POU2F1: variants seen among roughly 807,000 people sequenced by gnomAD.
The protein encoded by POU2F1 is POU domain, class 2, transcription factor 1.
In POU2F1, 16 loss-of-function variants were observed where a neutral mutation model predicts 84.9. The observed-to-expected ratio is 0.19, with a 90% CI of 0.13 to 0.29. The LOEUF is 0.29. Among genes scored for constraint, POU2F1 ranks in the 10% least tolerant of loss-of-function variants. POU2F1 has a pLI of 1.00. For missense variants in POU2F1, 738 were observed against 942.6 expected (o/e 0.78, Z 2.84); for synonymous variants, 368 against 368.3 (o/e 1.00, Z 0.01).
chr1:167,235,867 C>G (rs2102354053), intron 1 of POU2F1, among the ~76,000 whole-genome samples: 1 of 152,266 alleles, frequency 6.6e-6, no homozygotes, highest in South Asian at 2.1e-4. Flanking sequence ...CTGCTGAGAC[C>G]TAGTGGAGGA....
At chr1:167,261,614 C>T (rs963596462) in intron 1 of POU2F1, among the ~76,000 whole-genome samples, 5 of 152,240 alleles carry the variant, frequency 3.3e-5, no homozygotes, top group African/African-American at 1.2e-4. Flanking sequence ...TCTCTCCACT[C>T]AATTTCCCAT....
rs1209822036 is a variant in POU2F1, at chr1:167,420,833, G to A, written c.*5023G>A. On this transcript the variant is annotated 3_prime_UTR_variant, in exon 16 of 16. Coordinates refer to ENST00000367866, the MANE Select transcript of POU2F1 (RefSeq NM_002697.4). ...AAGACCAGTCTGCAGTTTGAGGAAGGGCCCCAACAATTCATTTGGAGAGCT... is the reference window on the plus strand; with the variant it reads ...AAGACCAGTCTGCAGTTTGAGGAAGAGCCCCAACAATTCATTTGGAGAGCT... The A allele has an allele frequency of 6.6e-6, 1 of 152,120 alleles. No individual in the cohort carries two copies. Among genetic ancestry groups the A allele is most frequent in the East Asian group, 1.9e-4 (1 of 5,194 alleles). 9.4% of individuals were successfully genotyped at this position (152,120 alleles called of 1,614,324 possible).
intron 2 of POU2F1, among the ~76,000 whole-genome samples, chr1:167,339,822 AAGT>A (rs775453266): frequency 5.3e-5 from 8 of 152,208 alleles, no homozygotes; most frequent in Admixed American, 6.5e-5. Flanking sequence ...ATTTACTATA[AAGT>A]AGTAATTTAT....
intron 9 of POU2F1, among the ~76,000 whole-genome samples, chr1:167,395,023 T>TCC (rs1648702785): frequency 6.6e-6 from 1 of 152,192 alleles, no homozygotes; most frequent in African/African-American, 2.4e-5. Flanking sequence ...AGTTGTATAG[T>TCC]ACTTTGGACC....
At chr1:167,264,180 T>A (rs1219147302) in intron 1 of POU2F1, among the ~76,000 whole-genome samples, 2 of 151,966 alleles carry the variant, frequency 1.3e-5, no homozygotes, top group African/African-American at 4.8e-5. Flanking sequence ...TAATTTATAG[T>A]GGTATGTCAG....
rs1301759078 is a variant in POU2F1, at chr1:167,389,672, C to T, written c.898C>T (p.Pro300Ser). 1 of 1,614,208 alleles carries T rather than the reference C, an allele frequency of 6.2e-7. No homozygotes were observed. Among genetic ancestry groups the T allele is most frequent in the South Asian group, 1.1e-5 (1 of 91,078 alleles). Residue 300 changes from proline (P) to serine (S), a missense_variant, in exon 9 of 16, where the codon CCC becomes TCC. Coordinates refer to ENST00000367866, the MANE Select transcript of POU2F1 (RefSeq NM_002697.4). ...GTCAACACCAAAGCGAATTGATACT[C>T]CCAGCTTGGAGGAGCCCAGTGACCT... ...SQSTPKRIDT[P>S]SLEEPSDLEE...
intron 13 of POU2F1, among the ~76,000 whole-genome samples, chr1:167,407,879 T>G (rs892734049): frequency 1.3e-5 from 2 of 152,122 alleles, no homozygotes. Context: ...AAGAGAACGA[T>G]CCATAAAAGA....
At chr1:167,394,173 C>T (rs1648636094) in intron 9 of POU2F1, among the ~76,000 whole-genome samples, 1 of 151,882 alleles carries the variant, frequency 6.6e-6, no homozygotes, top group Non-Finnish European at 1.5e-5. Context: ...GGGTGTGCCA[C>T]CACACCCAAC....
chr1:167,258,923 C>T lies in POU2F1; in HGVS notation c.61+37965C>T, dbSNP rs926031959. Among the ~76,000 whole-genome samples the T allele has an allele frequency of 2.6e-5, 4 of 152,296 alleles. No homozygotes were observed. In the South Asian group the frequency reaches 8.3e-4, roughly 32 times the overall value. ...CAAATGTTCTTCTGCAAAAACTATT[C>T]TTGGCTTGTGGACCATATAAAAAGA... is the stretch of plus-strand genomic sequence containing the variant. On this transcript the variant is annotated intron_variant, in intron 1 of 15. Transcript: ENST00000367866.
chr1:167,229,795 T>G (rs965846724), intron 1 of POU2F1, among the ~76,000 whole-genome samples: 4 of 152,184 alleles, frequency 2.6e-5, no homozygotes, highest in Non-Finnish European at 5.9e-5. Context: ...CATTTTTTGG[T>G]GCAGCCAGCA....
In POU2F1 at chr1:167,426,079, A is replaced by G. The variant is rs1297656783; in HGVS notation, c.*10269A>G. 6.6e-6 allele frequency: 1 copy of G among 152,180 alleles called. No homozygotes were observed. The highest frequency in any genetic ancestry group is 1.5e-5 in the Non-Finnish European group (1 of 68,032). 9.4% of individuals were successfully genotyped at this position (152,180 alleles called of 1,614,324 possible). A position where few individuals can be genotyped will look rare whatever the true frequency, so the allele number is the denominator to read the frequency against. ...CAAGCTCTATCCCAAAGCAAAATCCAAATGTTAATAATATTAGCCTGATGC... is the reference window on the plus strand; with the variant it reads ...CAAGCTCTATCCCAAAGCAAAATCCGAATGTTAATAATATTAGCCTGATGC... On this transcript the variant is annotated 3_prime_UTR_variant, in exon 16 of 16. Coordinates refer to ENST00000367866, the MANE Select transcript of POU2F1 (RefSeq NM_002697.4).
chr1:167,357,987 A>G (rs1423786705), intron 2 of POU2F1, among the ~76,000 whole-genome samples: 2 of 151,596 alleles, frequency 1.3e-5, no homozygotes, highest in Non-Finnish European at 2.9e-5. Flanking sequence ...TATTTTTAGT[A>G]GAGATGGGGT....
At chr1:167,251,398 TAAAC>T (rs966662362) in intron 1 of POU2F1, among the ~76,000 whole-genome samples, 15 of 150,870 alleles carry the variant, frequency 9.9e-5, no homozygotes, top group South Asian at 2.1e-4. Context: ...GACCTTGTCA[TAAAC>T]AAACAAACAA....
At chr1:167,311,828 A>T (rs1445300462) in intron 1 of POU2F1, among the ~76,000 whole-genome samples, 1 of 143,798 alleles carries the variant, frequency 7.0e-6, no homozygotes, top group East Asian at 2.0e-4. Flanking sequence ...TTGGAGACAG[A>T]GTCTTGCTCT....
chr1:167,333,522 A>G (rs1022361030), intron 2 of POU2F1, among the ~76,000 whole-genome samples: 4 of 152,146 alleles, frequency 2.6e-5, no homozygotes, highest in African/African-American at 9.7e-5. Flanking sequence ...TTTGTGGTAA[A>G]TGGCTGAGTT....
intron 1 of POU2F1, among the ~76,000 whole-genome samples, chr1:167,311,404 A>G (rs1257512829): frequency 6.6e-6 from 1 of 152,194 alleles, no homozygotes; most frequent in East Asian, 1.9e-4. Flanking sequence ...ATGAAGGGAA[A>G]ATCAAGACAT....
chr1:167,284,681 G>T (rs561882600), intron 1 of POU2F1, among the ~76,000 whole-genome samples: 2 of 152,236 alleles, frequency 1.3e-5, no homozygotes, highest in South Asian at 2.1e-4. Context: ...GTCAATATTA[G>T]ATTATATTTT....
intron 1 of POU2F1, among the ~76,000 whole-genome samples, chr1:167,293,324 G>C (rs1043291135): frequency 1.3e-5 from 2 of 152,114 alleles, no homozygotes; most frequent in African/African-American, 4.8e-5. Context: ...TAGCACTGCT[G>C]TACACCAATG....
In POU2F1 at chr1:167,424,901, T is replaced by A. The variant is rs1292537084; in HGVS notation, c.*9091T>A. On this transcript the variant is annotated 3_prime_UTR_variant, in exon 16 of 16. Transcript: ENST00000367866. The stretch of plus-strand genomic sequence containing the variant: ...TGGTGGGGTAGAGGCCAACCCCTTC[T>A]CCTCTGAGGCCTCAGGGTTCTGTTT... 1 of 152,148 alleles carries A rather than the reference T, an allele frequency of 6.6e-6. No homozygotes were observed. Among genetic ancestry groups the A allele is most frequent in the Non-Finnish European group, 1.5e-5 (1 of 68,044 alleles). The allele number at this position is 152,148 out of a possible 1,614,324, so 9.4% of individuals were successfully genotyped here. A position where few individuals can be genotyped will look rare whatever the true frequency, so the allele number is the denominator to read the frequency against.
Sources: allele counts gnomAD v4.1 joint callset (sites outside exome capture counted in the v4.1 genomes callset), GRCh38; gene constraint gnomAD v4.1.1; transcripts MANE v1.5; gene names NCBI Gene and HGNC (gene_info 2026-07-23, HGNC 2026-07-21).